The following EYA1 variants were observed in gnomAD, a reference collection of about 807,000 sequenced individuals.
The protein encoded by EYA1 is EYA transcriptional coactivator and phosphatase 1.
In EYA1, 16 loss-of-function variants were observed where a neutral mutation model predicts 82.0. The ratio of observed to expected loss-of-function variants is 0.20; its 90% CI spans 0.13 to 0.30. The LOEUF is 0.30. Among genes scored for constraint, EYA1 ranks in the 10% least tolerant of loss-of-function variants. The probability of loss-of-function intolerance (pLI) is 1.00; values close to 1 mark genes in which losing one functional copy is unlikely to be tolerated. For missense variants in EYA1, 633 were observed against 730.7 expected (o/e 0.87, Z 1.54); for synonymous variants, 261 against 264.4 (o/e 0.99, Z 0.12).
chr8:71,434,659 TA>T (rs1451682516), intron 2 of EYA1, among the ~76,000 whole-genome samples: 1 of 152,182 alleles, frequency 6.6e-6, no homozygotes, highest in African/African-American at 2.4e-5. Context: ...GTTCAGCTTC[TA>T]CCTAACCACA....
intron 11 of EYA1, among the ~76,000 whole-genome samples, chr8:71,250,223 GC>G (rs1197865900): frequency 6.6e-6 from 1 of 152,080 alleles, no homozygotes. Context: ...ATTCAAGATG[GC>G]CTGTTTCTGA....
intron 2 of EYA1, among the ~76,000 whole-genome samples, chr8:71,475,107 G>T (rs1266662707): frequency 6.6e-6 from 1 of 152,030 alleles, no homozygotes; most frequent in Non-Finnish European, 1.5e-5. Flanking sequence ...CTCCAGCCTG[G>T]GCAATAAGAG....
At chr8:71,445,845 G>A (rs1055843917) in intron 2 of EYA1, among the ~76,000 whole-genome samples, 17 of 152,078 alleles carry the variant, frequency 1.1e-4, no homozygotes, top group Non-Finnish European at 4.4e-5. Flanking sequence ...GAGCCACCAC[G>A]CCTGGCTCAT....
chr8:71,373,505 A>G (rs1225483604), intron 2 of EYA1, among the ~76,000 whole-genome samples: 1 of 152,136 alleles, frequency 6.6e-6, no homozygotes, highest in Admixed American at 6.5e-5. Context: ...AATAAATGAA[A>G]AGGTATCTTG....
intron 2 of EYA1, among the ~76,000 whole-genome samples, chr8:71,528,558 T>G (rs1417780651): frequency 6.6e-6 from 1 of 152,114 alleles, no homozygotes; most frequent in African/African-American, 2.4e-5. Flanking sequence ...AATGAAAAAT[T>G]TTGCCTAATT....
intron 16 of EYA1, among the ~76,000 whole-genome samples, chr8:71,213,085 G>C (rs1161031320): frequency 1.3e-5 from 2 of 151,690 alleles, no homozygotes; most frequent in East Asian, 3.9e-4. Flanking sequence ...AAAAAAAATT[G>C]CTGGGTTTTC....
Position 71,299,252 on chromosome 8 carries a change from C to G in EYA1, c.640-19G>C, listed in dbSNP as rs1586245641. 20 of 1,612,096 alleles carry G rather than the reference C, an allele frequency of 1.2e-5. No individual in the cohort carries two copies. The East Asian group carries it at 4.5e-4, about 36-fold the overall frequency. ...GATAGTCCTACCAAATCAAACCACA[C>G]AAGAATTGTCTGTCAAAATACTGCT... is the stretch of plus-strand genomic sequence containing the variant. On this transcript the variant is annotated intron_variant, in intron 8 of 17. Coordinates refer to ENST00000340726, the MANE Select transcript of EYA1 (RefSeq NM_000503.6).
chr8:71,531,584 T>C (rs1173571761), intron 2 of EYA1, among the ~76,000 whole-genome samples: 2 of 152,182 alleles, frequency 1.3e-5, no homozygotes, highest in East Asian at 3.8e-4. Context: ...CATGATTTCT[T>C]TCTAGAAATC....
At chr8:71,465,568 A>G (rs979086897) in intron 2 of EYA1, among the ~76,000 whole-genome samples, 2 of 152,208 alleles carry the variant, frequency 1.3e-5, no homozygotes, top group African/African-American at 4.8e-5. Context: ...GGTTGCAGTG[A>G]GCCAAGATTG....
intron 2 of EYA1, among the ~76,000 whole-genome samples, chr8:71,496,644 A>G (rs901360262): frequency 6.6e-6 from 1 of 152,150 alleles, no homozygotes; most frequent in Non-Finnish European, 1.5e-5. Flanking sequence ...ATGTGAACTA[A>G]CCTCTGGAAC....
chr8:71,233,347 G>C (rs1474527429), intron 12 of EYA1, among the ~76,000 whole-genome samples: 1 of 151,926 alleles, frequency 6.6e-6, no homozygotes, highest in Non-Finnish European at 1.5e-5. Context: ...GGCAGATCAC[G>C]AGGTCAGGAG....
intron 12 of EYA1, among the ~76,000 whole-genome samples, chr8:71,221,959 C>T (rs1809975321): frequency 6.6e-6 from 1 of 152,184 alleles, no homozygotes; most frequent in Admixed American, 6.5e-5. Context: ...GCAGCCCACC[C>T]TAAGGGAAGA....
intron 1 of EYA1, among the ~76,000 whole-genome samples, chr8:71,543,148 C>A (rs1436808237): frequency 2.6e-5 from 4 of 152,166 alleles, no homozygotes; most frequent in Non-Finnish European, 4.4e-5. Context: ...CCTAGGTTGT[C>A]TTCCAGGGTT....
intron 3 of EYA1, among the ~76,000 whole-genome samples, chr8:71,338,426 G>A (rs1824747009): frequency 6.6e-6 from 1 of 152,164 alleles, no homozygotes; most frequent in African/African-American, 2.4e-5. Flanking sequence ...TTTTTTAGGG[G>A]AGGCTGGCCC....
At chr8:71,231,128 T>C (rs138156809) in intron 12 of EYA1, among the ~76,000 whole-genome samples, 43 of 152,346 alleles carry the variant, frequency 2.8e-4, no homozygotes, top group African/African-American at 9.6e-4. Context: ...TTACACGGAA[T>C]AGATCTGCAA....
At chr8:71,461,577 C>T (rs1455373286) in intron 2 of EYA1, among the ~76,000 whole-genome samples, 1 of 152,318 alleles carries the variant, frequency 6.6e-6, no homozygotes, top group African/African-American at 2.4e-5. Context: ...CAGCTCTTCT[C>T]TCCTTCTCTT....
intron 2 of EYA1, among the ~76,000 whole-genome samples, chr8:71,388,001 A>G (rs1829060616): frequency 6.6e-6 from 1 of 152,192 alleles, no homozygotes; most frequent in Non-Finnish European, 1.5e-5. Context: ...ATAAGCTAGC[A>G]TATGCCAGGA....
At chr8:71,471,070 C>A (rs775794537) in intron 2 of EYA1, 15 of 358,700 alleles carry the variant, frequency 4.2e-5, no homozygotes, top group Non-Finnish European at 3.2e-5. Context: ...ATGTGTGGTA[C>A]AAAATGTTAT....
chr8:71,465,012 G>A (rs1808676500), intron 2 of EYA1, among the ~76,000 whole-genome samples: 1 of 152,080 alleles, frequency 6.6e-6, no homozygotes, highest in Admixed American at 6.5e-5. Flanking sequence ...ATGTATATGT[G>A]GAACTCATAT....
Sources: gnomAD v4.1 joint callset for allele counts (sites outside exome capture counted in the v4.1 genomes callset) on GRCh38, gnomAD v4.1.1 for gene constraint, MANE v1.5 for transcripts, NCBI Gene and HGNC (gene_info 2026-07-23, HGNC 2026-07-21) for gene names.